Variants in NDUFS4 observed in about 807,000 individuals in gnomAD.
NDUFS4 encodes the protein NADH:ubiquinone oxidoreductase subunit S4, also known as NADH dehydrogenase [ubiquinone] iron-sulfur protein 4, mitochondrial.
Under a neutral mutation model 24.3 loss-of-function variants are expected in NDUFS4, and 28 were observed. That is an observed-to-expected ratio of 1.15 (90% confidence interval 0.85 to 1.58). The LOEUF (loss-of-function observed/expected upper bound fraction) is 1.58. Ranked by LOEUF, NDUFS4 falls within the 40% of genes most tolerant of loss-of-function variation. NDUFS4 has a pLI of 0.00. For missense variants in NDUFS4, 223 were observed against 207.9 expected, an observed-to-expected ratio of 1.07 and a Z score of -0.45; for synonymous variants, 93 against 69.7, an observed-to-expected ratio of 1.34 and a Z score of -1.67.
chr5:53,633,987 G>T (rs1751478993), intron 2 of NDUFS4, among the ~76,000 whole-genome samples: 1 of 152,172 alleles, frequency 6.6e-6, no homozygotes, highest in Non-Finnish European at 1.5e-5. Flanking sequence ...AAAAGGTATT[G>T]CCCAAATCAG....
At chr5:53,572,107 CT>C (rs1749227423) in intron 1 of NDUFS4, among the ~76,000 whole-genome samples, 1 of 151,988 alleles carries the variant, frequency 6.6e-6, no homozygotes, top group Non-Finnish European at 1.5e-5. Flanking sequence ...TATTTTTATG[CT>C]TAGGTTTGGT....
chr5:53,596,103 T>G (rs1220242524), intron 1 of NDUFS4, among the ~76,000 whole-genome samples: 1 of 152,186 alleles, frequency 6.6e-6, no homozygotes, highest in Non-Finnish European at 1.5e-5. Flanking sequence ...TCTTTTCTTT[T>G]ACTTTTACTC....
chr5:53,638,353 C>CT (rs1308988171), intron 2 of NDUFS4, among the ~76,000 whole-genome samples: 13 of 152,110 alleles, frequency 8.5e-5, no homozygotes, highest in Middle Eastern at 3.4e-3. Flanking sequence ...TAGAATTTTA[C>CT]TTTAAGAAGT....
chr5:53,570,524 G>T (rs1749175141), intron 1 of NDUFS4, among the ~76,000 whole-genome samples: 1 of 151,936 alleles, frequency 6.6e-6, no homozygotes. Context: ...TAAATACCTG[G>T]GTAGAAGATT....
intron 1 of NDUFS4, among the ~76,000 whole-genome samples, chr5:53,589,398 G>C (rs1000685384): frequency 2.0e-5 from 3 of 152,180 alleles, no homozygotes; most frequent in Non-Finnish European, 2.9e-5. Flanking sequence ...ATGCTACTCC[G>C]TGTATCCTCA....
intron 2 of NDUFS4, among the ~76,000 whole-genome samples, chr5:53,645,034 C>T (rs188165737): frequency 6.6e-6 from 1 of 152,164 alleles, no homozygotes; most frequent in East Asian, 1.9e-4. Flanking sequence ...ATTGAAACTA[C>T]AAATAAACAT....
At chr5:53,605,769 C>G (rs1007673989) in intron 2 of NDUFS4, among the ~76,000 whole-genome samples, 3 of 152,132 alleles carry the variant, frequency 2.0e-5, no homozygotes, top group African/African-American at 7.2e-5. Flanking sequence ...AATCCCAGCA[C>G]TTTGGGAGGC....
intron 2 of NDUFS4, among the ~76,000 whole-genome samples, chr5:53,639,151 C>T (rs910532759): frequency 3.3e-5 from 5 of 151,820 alleles, no homozygotes; most frequent in African/African-American, 1.2e-4. Flanking sequence ...AAAATACATC[C>T]TTTATTGCAT....
intron 4 of NDUFS4, among the ~76,000 whole-genome samples, chr5:53,671,562 G>A (rs1740246465): frequency 6.6e-6 from 1 of 152,186 alleles, no homozygotes; most frequent in Non-Finnish European, 1.5e-5. Flanking sequence ...TTTGTAAAGA[G>A]ACGAATATCA....
At chr5:53,586,341 A>C (rs1005164064) in intron 1 of NDUFS4, among the ~76,000 whole-genome samples, 28 of 151,900 alleles carry the variant, frequency 1.8e-4, no homozygotes, top group Non-Finnish European at 3.4e-4. Context: ...AAAAAAAAAA[A>C]AAAACAAACC....
chr5:53,633,410 G>A (rs1751464710), intron 2 of NDUFS4, among the ~76,000 whole-genome samples: 2 of 152,250 alleles, frequency 1.3e-5, no homozygotes, highest in Non-Finnish European at 2.9e-5. Flanking sequence ...CCTTATGTGA[G>A]AGTTGCCTTA....
In NDUFS4 at chr5:53,606,264, G is replaced by A. The variant is rs550414526; in HGVS notation, c.177+2734G>A. ...TAATTGGCTCATGGTCCTGCAGGCT[G>A]CACAAGCATGGCACCAGCATTGCTC... On this transcript the variant is annotated intron_variant, in intron 2 of 4. Coordinates refer to ENST00000296684, the MANE Select transcript of NDUFS4 (RefSeq NM_002495.4). 3.3e-5 allele frequency among the ~76,000 whole-genome samples: 5 copies of A among 152,312 alleles called. No individual in the cohort carries two copies. In the South Asian group the frequency reaches 1.0e-3, roughly 32 times the overall value.
chr5:53,593,911 G>T (rs997911107), intron 1 of NDUFS4, among the ~76,000 whole-genome samples: 1 of 152,066 alleles, frequency 6.6e-6, no homozygotes, highest in Non-Finnish European at 1.5e-5. Context: ...AGCTTGCATT[G>T]TGTGGTTTCT....
intron 1 of NDUFS4, among the ~76,000 whole-genome samples, chr5:53,566,788 A>G (rs1223052076): frequency 2.0e-5 from 3 of 152,122 alleles, no homozygotes; most frequent in African/African-American, 4.8e-5. Flanking sequence ...GGAAATAATG[A>G]AAAGAAAAAA....
At position 53,669,889 on chromosome 5, in the gene NDUFS4, T is replaced by A. The variant is rs149474229; in HGVS notation, c.424+11265T>A. Among the ~76,000 whole-genome samples the A allele has an allele frequency of 3.3e-5, 5 of 151,772 alleles. No homozygotes were observed. The East Asian group carries it at 9.6e-4, about 29-fold the overall frequency. On this transcript the variant is annotated intron_variant, in intron 4 of 4. Transcript: ENST00000296684. ...AACTTTTCTTTAAATCACCTTAATT[T>A]GGTGACTTGTTCTTTTTTTAGAAGA...
At chr5:53,672,089 TAAAG>T (rs1035855379) in intron 4 of NDUFS4, among the ~76,000 whole-genome samples, 11 of 151,766 alleles carry the variant, frequency 7.2e-5, no homozygotes, top group Admixed American at 5.3e-4. Flanking sequence ...TCCAGGAAAA[TAAAG>T]AAAGAAATAA....
At chr5:53,631,439 G>C (rs1751407304) in intron 2 of NDUFS4, among the ~76,000 whole-genome samples, 1 of 152,182 alleles carries the variant, frequency 6.6e-6, no homozygotes, top group African/African-American at 2.4e-5. Flanking sequence ...GCTGTCTTCA[G>C]AGCTGTGAGG....
chr5:53,623,715 T>G (rs569278920), intron 2 of NDUFS4, among the ~76,000 whole-genome samples: 90 of 138,194 alleles, frequency 6.5e-4, no homozygotes, highest in African/African-American at 2.4e-3. Flanking sequence ...ATCTGTTTTT[T>G]TGTTTGCTTG....
At chr5:53,594,483 A>T (rs1204996687) in intron 1 of NDUFS4, among the ~76,000 whole-genome samples, 1 of 152,068 alleles carries the variant, frequency 6.6e-6, no homozygotes, top group Non-Finnish European at 1.5e-5. Flanking sequence ...ATCTACTCCG[A>T]TAACTCTCTT....
Sources: allele counts gnomAD v4.1 joint callset (sites outside exome capture counted in the v4.1 genomes callset), GRCh38; gene constraint gnomAD v4.1.1; transcripts MANE v1.5; gene names NCBI Gene and HGNC (gene_info 2026-07-23, HGNC 2026-07-21).